The following PRKAG2 variants were observed in gnomAD, a reference collection of about 807,000 sequenced individuals.
PRKAG2 encodes 5'-AMP-activated protein kinase subunit gamma-2.
Under a neutral mutation model 69.6 loss-of-function variants are expected in PRKAG2, and 26 were observed. The observed-to-expected ratio is 0.37, with a 90% CI of 0.27 to 0.52. The LOEUF is 0.52. Among genes scored for constraint, PRKAG2 ranks in the 20% least tolerant of loss-of-function variants. The pLI is 0.90. For missense variants in PRKAG2, 557 were observed against 740.0 expected (o/e 0.75, Z 2.87); for synonymous variants, 293 against 285.0 (o/e 1.03, Z -0.28).
At chr7:151,761,665 T>C (rs896866048) in intron 3 of PRKAG2, among the ~76,000 whole-genome samples, 1 of 152,222 alleles carries the variant, frequency 6.6e-6, no homozygotes, top group Admixed American at 6.5e-5. Context: ...CTGTCCTGCA[T>C]GGCATGACCG....
At chr7:151,563,941 G>A in intron 14 of PRKAG2, 137 bp downstream of exon 14, 2 of 1,158,108 alleles carry the variant, frequency 1.7e-6, no homozygotes, top group Admixed American at 1.8e-5. Context: ...TCTGGGACAG[G>A]AGGGAATCCC....
At chr7:151,859,194 G>A (rs1394937221) in intron 1 of PRKAG2, among the ~76,000 whole-genome samples, 2 of 152,258 alleles carry the variant, frequency 1.3e-5, no homozygotes, top group Admixed American at 6.5e-5. Flanking sequence ...TGATGCCCAG[G>A]GAATGGGCTT....
chr7:151,781,525 TGCGG>T lies in PRKAG2; in HGVS notation c.187-98_187-95del. On this transcript the variant is annotated intron_variant, in intron 2 of 15. Transcript: ENST00000287878. This position sits in a 1 kb window ranked among gnomAD's most constrained non-coding sequence, Gnocchi z 6.1. ...AAACTTATCATTGTCCTCTCTCACA[TGCGG>T]GCCCCCCATAGTACCCTCCCAGAGA... 6.9e-7 allele frequency: 1 copy of T among 1,444,246 alleles called. No homozygotes were observed. 89.5% of individuals were successfully genotyped at this position (1,444,246 alleles called of 1,614,324 possible).
At chr7:151,816,743 T>G (rs2078652005) in intron 1 of PRKAG2, among the ~76,000 whole-genome samples, 1 of 152,212 alleles carries the variant, frequency 6.6e-6, no homozygotes, top group East Asian at 1.9e-4. Flanking sequence ...CCGGCCAATC[T>G]CAATATTTTC....
intron 1 of PRKAG2, among the ~76,000 whole-genome samples, chr7:151,842,349 C>T (rs1377547658): frequency 1.1e-5 from 1 of 87,346 alleles, no homozygotes. Context: ...ATGATGGTAG[C>T]AATGGTAGGT....
At chr7:151,705,375 A>G (rs1166838744) in intron 3 of PRKAG2, among the ~76,000 whole-genome samples, 2 of 152,158 alleles carry the variant, frequency 1.3e-5, no homozygotes, top group African/African-American at 4.8e-5. Context: ...ACAGATGTAC[A>G]TGGATTGGAA....
chr7:151,830,600 A>T (rs1004664979), intron 1 of PRKAG2, among the ~76,000 whole-genome samples: 1 of 151,822 alleles, frequency 6.6e-6, no homozygotes, highest in Non-Finnish European at 1.5e-5. Flanking sequence ...CCAGAAATCC[A>T]TCTGTGCCTC....
chr7:151,657,929 G>A (rs534603145), intron 4 of PRKAG2, among the ~76,000 whole-genome samples: 6 of 151,928 alleles, frequency 3.9e-5, no homozygotes, highest in Non-Finnish European at 7.4e-5. Flanking sequence ...AGGCCAAGGC[G>A]GGTGGATCAC....
chr7:151,703,848 ACACAC>A (rs1838137313), intron 3 of PRKAG2, among the ~76,000 whole-genome samples: 4 of 21,304 alleles, frequency 1.9e-4, no homozygotes, highest in Admixed American at 6.7e-4. Flanking sequence ...ACTGGAAAAC[ACACAC>A]ACACACACAC....
chr7:151,665,369 C>T (rs1233795631), intron 4 of PRKAG2, among the ~76,000 whole-genome samples: 1 of 152,132 alleles, frequency 6.6e-6, no homozygotes, highest in East Asian at 1.9e-4. Flanking sequence ...AGTAAGAATC[C>T]CAAAGACCCC....
chr7:151,739,718 G>A (rs1056513273), intron 3 of PRKAG2, among the ~76,000 whole-genome samples: 3 of 151,974 alleles, frequency 2.0e-5, no homozygotes, highest in Admixed American at 6.6e-5. Context: ...TGATCCACCC[G>A]CCTTGGCCTC....
chr7:151,698,050 T>C (rs1836994609), intron 3 of PRKAG2, among the ~76,000 whole-genome samples: 1 of 152,192 alleles, frequency 6.6e-6, no homozygotes, highest in Non-Finnish European at 1.5e-5. Flanking sequence ...GCCCTGTCCC[T>C]AGGTCTCACT....
At chr7:151,767,287 C>T (rs531177859) in intron 3 of PRKAG2, among the ~76,000 whole-genome samples, 1 of 152,116 alleles carries the variant, frequency 6.6e-6, no homozygotes, top group Non-Finnish European at 1.5e-5. Flanking sequence ...ATAATAAACT[C>T]CCGTTTTGTT....
At chr7:151,785,668 G>A (rs1231729190) in intron 2 of PRKAG2, among the ~76,000 whole-genome samples, 1 of 152,244 alleles carries the variant, frequency 6.6e-6, no homozygotes, top group Non-Finnish European at 1.5e-5. Flanking sequence ...CAGATCACTA[G>A]CTCTGTCTGC....
At chr7:151,720,915 A>G (rs1253003880) in intron 3 of PRKAG2, among the ~76,000 whole-genome samples, 30 of 66,876 alleles carry the variant, frequency 4.5e-4, no homozygotes, top group South Asian at 7.6e-4. Context: ...TGGTGGGGGG[A>G]ATGGAGGGGG....
rs114289236 is a variant in PRKAG2 at position 151,638,131 on chromosome 7, C to G, written c.685-5993G>C. ...ATCTCCCCAGGGAGAACAAAATGGG[C>G]CAACCATGGCAGGGAGGAACTGGGT... On this transcript the variant is annotated intron_variant, in intron 4 of 15. Transcript: ENST00000287878. The surrounding 1 kb of genome is among the most constrained non-coding windows in gnomAD (Gnocchi z 4.3). 6.6e-6 allele frequency among the ~76,000 whole-genome samples: 1 copy of G among 152,172 alleles called. No homozygotes were observed. Among genetic ancestry groups the G allele is most frequent in the Non-Finnish European group, 1.5e-5 (1 of 68,036 alleles).
At chr7:151,758,879 G>A (rs964210639) in intron 3 of PRKAG2, among the ~76,000 whole-genome samples, 7 of 152,148 alleles carry the variant, frequency 4.6e-5, no homozygotes, top group East Asian at 1.9e-4. Flanking sequence ...TTTCTGTAGC[G>A]GGCAAGACTT....
In PRKAG2 at chr7:151,781,445, G is replaced by A; in HGVS notation, c.187-14C>T. Reference sequence around the variant, plus strand: ...GGGGCTGTCCACCTGCAGAAAAACAGACGAATGGATGCAGTCACTCCACGC... The same window carrying A: ...GGGGCTGTCCACCTGCAGAAAAACAAACGAATGGATGCAGTCACTCCACGC... On this transcript the variant is annotated splice_polypyrimidine_tract_variant and intron_variant, in intron 2 of 15. Transcript: ENST00000287878. The surrounding 1 kb of genome is among the most constrained non-coding windows in gnomAD (Gnocchi z 6.1). 6.3e-7 allele frequency: 1 copy of A among 1,596,936 alleles called. No homozygotes were observed. The highest frequency in any genetic ancestry group is 8.5e-7 in the Non-Finnish European group (1 of 1,172,546).
intron 1 of PRKAG2, among the ~76,000 whole-genome samples, chr7:151,861,527 C>CA (rs1563762540): frequency 0.14 from 8,555 of 59,912 alleles, 608 homozygotes; most frequent in Middle Eastern, 0.23. Flanking sequence ...GACTCTGTCT[C>CA]CAAAAAAAAA....
Sources: gnomAD v4.1 joint callset for allele counts (sites outside exome capture counted in the v4.1 genomes callset) on GRCh38, gnomAD v4.1.1 for gene constraint, Gnocchi (gnomAD v3.1) non-coding constraint, MANE v1.5 for transcripts, NCBI Gene and HGNC (gene_info 2026-07-23, HGNC 2026-07-21) for gene names.